The following CALN1 variants were observed in gnomAD, a reference collection of about 807,000 sequenced individuals.
The protein encoded by CALN1 is calneuron 1.
A neutral mutation model predicts 30.6 loss-of-function variants in CALN1; 17 were observed. The observed-to-expected ratio is 0.56, with a 90% CI of 0.38 to 0.83. The LOEUF is 0.83. Ranked by LOEUF, CALN1 falls within the 40% of genes least tolerant of loss-of-function variation. CALN1 has a pLI of 0.00. For synonymous variants in CALN1, 156 were observed against 131.4 expected (o/e 1.19, Z -1.28); for missense variants, 291 against 354.9 (o/e 0.82, Z 1.45).
At chr7:71,827,605 T>C (rs1305125507) in intron 5 of CALN1, among the ~76,000 whole-genome samples, 3 of 151,788 alleles carry the variant, frequency 2.0e-5, no homozygotes, top group African/African-American at 7.3e-5. Flanking sequence ...ACCCCATCTC[T>C]ACTAAAAATA....
Position 71,875,162 on chromosome 7 carries a change from A to C in CALN1, c.502-64670T>G, listed in dbSNP as rs1216766789. On this transcript the variant is annotated intron_variant, in intron 5 of 6. Coordinates refer to ENST00000395275, the MANE Select transcript of CALN1 (RefSeq NM_031468.4). ...CCTGGGTAAAGGAGACTCTGTCTCA[A>C]AAAAAAAAAAAAAAAAAAAAAAAAA... Among the ~76,000 whole-genome samples the C allele has an allele frequency of 2.5e-4, 3 of 11,794 alleles. No individual in the cohort carries two copies. The Admixed American group carries it at 3.4e-3, about 13-fold the overall frequency. 7.7% of individuals were successfully genotyped at this position (11,794 alleles called of 152,430 possible).
At chr7:72,269,289 T>C (rs1004139748) in intron 3 of CALN1, among the ~76,000 whole-genome samples, 1 of 152,164 alleles carries the variant, frequency 6.6e-6, no homozygotes. Flanking sequence ...ACATGTGCCA[T>C]GTTGGTGTGC....
rs112669724 is a variant in CALN1 at position 71,868,613 on chromosome 7, C to T, written c.502-58121G>A. 8.3e-3 allele frequency among the ~76,000 whole-genome samples: 1,256 copies of T among 152,058 alleles called. 14 individuals are homozygous for T. The highest frequency in any genetic ancestry group is 0.028 in the African/African-American group (1,180 of 41,452). On this transcript the variant is annotated intron_variant, in intron 5 of 6. Transcript: ENST00000395275. ...TCTCGAACTCCTGACCTCAGGTTAT[C>T]CATCTGCCTCAGCCTCCCAGAGTGC...
chr7:72,114,243 T>TAAAAATAAAAGTGG lies in CALN1; in HGVS notation c.245-7950_245-7949insCCACTTTTATTTTT, dbSNP rs1807783431. ...GTAAAGTAAAAGTAAAAATAAAAGT[T>TAAAAATAAAAGTGG]GAAGGGAAGGGAAGGGAAGGGAAGG... On this transcript the variant is annotated intron_variant, in intron 3 of 6. Coordinates refer to ENST00000395275, the MANE Select transcript of CALN1 (RefSeq NM_031468.4). Among the ~76,000 whole-genome samples, 2 of 40,372 alleles carry TAAAAATAAAAGTGG rather than the reference T, an allele frequency of 5.0e-5. 1 individual carries two copies. 26.5% of individuals were successfully genotyped at this position (40,372 alleles called of 152,430 possible). A position where few individuals can be genotyped will look rare whatever the true frequency, so the allele number is the denominator to read the frequency against.
chr7:71,814,119 G>C (rs955318103), intron 5 of CALN1, among the ~76,000 whole-genome samples: 1 of 152,034 alleles, frequency 6.6e-6, no homozygotes, highest in African/African-American at 2.4e-5. Flanking sequence ...TCACTTCTAG[G>C]AAGCAGAAGC....
chr7:72,431,336 C>A (rs993613008), intron 1 of CALN1, among the ~76,000 whole-genome samples: 2 of 152,124 alleles, frequency 1.3e-5, no homozygotes, highest in African/African-American at 4.8e-5. Context: ...TACAAAAAAA[C>A]TGAGGGTTTG....
intron 3 of CALN1, among the ~76,000 whole-genome samples, chr7:72,189,789 T>G (rs567346718): frequency 9.8e-5 from 14 of 143,476 alleles, no homozygotes; most frequent in African/African-American, 3.6e-4. Context: ...AAAAAAAAAT[T>G]TACTATGTAT....
the CALN1 span, among the ~76,000 whole-genome samples, chr7:72,475,856 G>C: frequency 6.6e-6 from 1 of 151,350 alleles, no homozygotes; most frequent in Non-Finnish European, 1.5e-5. Context: ...TGCTGTTCTC[G>C]TGCTAATGAA....
chr7:72,044,203 T>C (rs1802316481), intron 4 of CALN1, among the ~76,000 whole-genome samples: 1 of 152,054 alleles, frequency 6.6e-6, no homozygotes, highest in Admixed American at 6.6e-5. Context: ...TCCCCTCTCC[T>C]CCAAATAGCA....
chr7:72,226,020 C>G lies in CALN1; in HGVS notation c.244+52666G>C, dbSNP rs185856620. Among the ~76,000 whole-genome samples, 1,379 of 148,244 alleles carry G rather than the reference C, an allele frequency of 9.3e-3. 12 individuals are homozygous for G. The highest frequency in any genetic ancestry group is 0.018 in the Middle Eastern group (5 of 280). ...CTGAGGCAGGAGAATCACTTGAACC[C>G]GGGAGGCAGGGGTTGCAGTGAGCCG... On this transcript the variant is annotated intron_variant, in intron 3 of 6. Transcript: ENST00000395275.
chr7:71,817,290 C>T (rs952136076), intron 5 of CALN1, among the ~76,000 whole-genome samples: 1 of 152,154 alleles, frequency 6.6e-6, no homozygotes, highest in Admixed American at 6.5e-5. Context: ...CCTAGTCCTG[C>T]AATTTTAAAT....
chr7:72,240,872 A>G (rs1055816188), intron 3 of CALN1, among the ~76,000 whole-genome samples: 1 of 152,152 alleles, frequency 6.6e-6, no homozygotes. Flanking sequence ...TGTTCTCTCT[A>G]CCTGGAAGGC....
intron 3 of CALN1, among the ~76,000 whole-genome samples, chr7:72,172,349 G>C (rs1261968820): frequency 6.6e-6 from 1 of 152,168 alleles, no homozygotes; most frequent in Non-Finnish European, 1.5e-5. Flanking sequence ...CAGACCATTT[G>C]TACCTCCTTC....
intron 2 of CALN1, among the ~76,000 whole-genome samples, chr7:72,383,509 A>G (rs760597954): frequency 6.6e-6 from 1 of 151,878 alleles, no homozygotes; most frequent in Non-Finnish European, 1.5e-5. Flanking sequence ...GATGTGGAGC[A>G]TTTTTTCATG....
intron 4 of CALN1, among the ~76,000 whole-genome samples, chr7:72,060,707 C>T (rs1563021561): frequency 6.6e-6 from 1 of 152,106 alleles, no homozygotes; most frequent in Admixed American, 6.6e-5. Flanking sequence ...CTCTCCCCAC[C>T]GTGATGCATG....
intron 3 of CALN1, among the ~76,000 whole-genome samples, chr7:72,140,997 G>C (rs113998405): frequency 0.013 from 1,960 of 152,306 alleles, 44 homozygotes; most frequent in African/African-American, 0.044. Context: ...TAGCCTCCTA[G>C]TGTGGACCAT....
At chr7:71,810,300 C>T in intron 6 of CALN1, 36 bp downstream of exon 6, 1 of 1,605,566 alleles carries the variant, frequency 6.2e-7, no homozygotes, top group Non-Finnish European at 8.5e-7. Flanking sequence ...TTGGCCTGTC[C>T]CGGACCGGGG....
chr7:71,845,136 G>A (rs756358695), intron 5 of CALN1, among the ~76,000 whole-genome samples: 7 of 151,954 alleles, frequency 4.6e-5, no homozygotes, highest in South Asian at 2.1e-4. Flanking sequence ...CTCCTGCCTC[G>A]GCCTCCCAAA....
chr7:72,226,543 T>C (rs1452452955), intron 3 of CALN1, among the ~76,000 whole-genome samples: 1 of 152,140 alleles, frequency 6.6e-6, no homozygotes, highest in Non-Finnish European at 1.5e-5. Context: ...CTAAGACATA[T>C]CACTGAAGGT....
Sources: allele counts gnomAD v4.1 joint callset (sites outside exome capture counted in the v4.1 genomes callset), GRCh38; gene constraint gnomAD v4.1.1; transcripts MANE v1.5; gene names NCBI Gene and HGNC (gene_info 2026-07-23, HGNC 2026-07-21).